The following FHIT variants were observed in gnomAD, a reference collection of about 807,000 sequenced individuals.
FHIT encodes the protein bis(5'-adenosyl)-triphosphatase.
In FHIT, 19 loss-of-function variants were observed where a neutral mutation model predicts 17.9. The ratio of observed to expected loss-of-function variants is 1.06; its 90% confidence interval spans 0.74 to 1.56. FHIT has a LOEUF of 1.56. Ranked by LOEUF, FHIT falls within the 40% of genes most tolerant of loss-of-function variation. FHIT has a pLI of 0.00. For missense variants in FHIT, 248 were observed against 189.2 expected (o/e 1.31, Z -1.82); for synonymous variants, 81 against 69.7 (o/e 1.16, Z -0.81).
At position 60,824,088 on chromosome 3, in the gene FHIT, T is replaced by G. The variant is rs114821683; in HGVS notation, c.-110-2077A>C. On this transcript the variant is annotated intron_variant, in intron 3 of 9. Transcript: ENST00000492590. ...TACTTGGAGCAAGGTGGGAAGCCATTGCCTACTTCTGAGCAGAGGTGAACC... is the reference window on the plus strand; with the variant it reads ...TACTTGGAGCAAGGTGGGAAGCCATGGCCTACTTCTGAGCAGAGGTGAACC... Among the ~76,000 whole-genome samples, 1,135 of 152,278 alleles carry G rather than the reference T, an allele frequency of 7.5e-3. 11 individuals carry two copies. Among genetic ancestry groups the G allele is most frequent in the African/African-American group, 0.025 (1,059 of 41,544 alleles).
chr3:60,636,353 G>T (rs1400506762), intron 4 of FHIT, among the ~76,000 whole-genome samples: 1 of 152,138 alleles, frequency 6.6e-6, no homozygotes, highest in African/African-American at 2.4e-5. Flanking sequence ...ACAGGCATGA[G>T]CCATCACGCC....
chr3:60,099,050 C>T (rs1213437291), intron 5 of FHIT, among the ~76,000 whole-genome samples: 3 of 152,094 alleles, frequency 2.0e-5, no homozygotes, highest in East Asian at 3.9e-4. Context: ...GCTCTCAAAG[C>T]CTCTCCAGTA....
intron 7 of FHIT, among the ~76,000 whole-genome samples, chr3:59,942,928 C>T (rs1012569863): frequency 6.6e-6 from 1 of 152,088 alleles, no homozygotes; most frequent in African/African-American, 2.4e-5. Context: ...GGATTACAAG[C>T]ATGACCCACT....
At chr3:60,175,754 TCAC>T (rs1701641096) in intron 5 of FHIT, among the ~76,000 whole-genome samples, 1 of 152,120 alleles carries the variant, frequency 6.6e-6, no homozygotes, top group South Asian at 2.1e-4. Flanking sequence ...AACAAATCGT[TCAC>T]CAAGTTAGAA....
chr3:60,146,035 T>C (rs531888439), intron 5 of FHIT, among the ~76,000 whole-genome samples: 3 of 152,268 alleles, frequency 2.0e-5, no homozygotes, highest in South Asian at 4.1e-4. Flanking sequence ...TATTTTCTAA[T>C]CTACACCATA....
At chr3:60,416,397 C>T (rs565224965) in intron 5 of FHIT, among the ~76,000 whole-genome samples, 9 of 152,270 alleles carry the variant, frequency 5.9e-5, no homozygotes, top group African/African-American at 1.4e-4. Context: ...GAACAGATTT[C>T]GGTAACCTTT....
intron 5 of FHIT, among the ~76,000 whole-genome samples, chr3:60,173,902 TATATA>T (rs1559698540): frequency 2.6e-5 from 2 of 76,740 alleles, no homozygotes; most frequent in East Asian, 7.5e-4. Flanking sequence ...TATATATATA[TATATA>T]TATATATATG....
chr3:60,926,835 A>G (rs1192169160), intron 3 of FHIT, among the ~76,000 whole-genome samples: 11 of 152,228 alleles, frequency 7.2e-5, no homozygotes, highest in Admixed American at 2.0e-4. Flanking sequence ...AAGAGAGAGA[A>G]GAATCAAATA....
At position 60,416,405 on chromosome 3, in the gene FHIT, T is replaced by G. The variant is rs186998946; in HGVS notation, c.103+120455A>C. Among the ~76,000 whole-genome samples the G allele has an allele frequency of 7.5e-4, 115 of 152,322 alleles. 2 individuals carry two copies. In the South Asian group the frequency reaches 0.022, roughly 29 times the overall value. The stretch of plus-strand genomic sequence containing the variant: ...CTCAGTAGAACAGATTTCGGTAACC[T>G]TTTCCTGTAAAGGGACAAAGAGTAA... On this transcript the variant is annotated intron_variant, in intron 5 of 9. Transcript: ENST00000492590.
chr3:60,172,213 T>C (rs759116342), intron 5 of FHIT, among the ~76,000 whole-genome samples: 2 of 152,114 alleles, frequency 1.3e-5, no homozygotes, highest in Non-Finnish European at 2.9e-5. Flanking sequence ...AAATACGAGT[T>C]GAGAGCCAGG....
intron 7 of FHIT, among the ~76,000 whole-genome samples, chr3:59,955,537 C>T (rs936694142): frequency 4.6e-5 from 7 of 152,244 alleles, no homozygotes; most frequent in Admixed American, 1.3e-4. Flanking sequence ...CCCACTTCTC[C>T]GCTGGTTGTC....
intron 3 of FHIT, among the ~76,000 whole-genome samples, chr3:60,987,761 C>G (rs1278013761): frequency 2.0e-5 from 3 of 152,114 alleles, no homozygotes; most frequent in African/African-American, 7.2e-5. Flanking sequence ...AGCTTAGAAA[C>G]AATCAGACAA....
At chr3:61,243,138 G>A (rs368680399) in intron 1 of FHIT, among the ~76,000 whole-genome samples, 1 of 152,182 alleles carries the variant, frequency 6.6e-6, no homozygotes, top group South Asian at 2.1e-4. Flanking sequence ...TTAGAGGCAA[G>A]TTAGATGCGG....
intron 5 of FHIT, among the ~76,000 whole-genome samples, chr3:60,406,081 A>G (rs534688271): frequency 1.4e-4 from 21 of 152,254 alleles, no homozygotes; most frequent in Middle Eastern, 3.2e-3. Flanking sequence ...ATGTCTGCAC[A>G]TAATATGGAG....
At chr3:60,920,716 G>A (rs189542486) in intron 3 of FHIT, among the ~76,000 whole-genome samples, 138 of 152,066 alleles carry the variant, frequency 9.1e-4, no homozygotes, top group Non-Finnish European at 1.6e-3. Flanking sequence ...CAGCTGGAGC[G>A]GTAGAACCTT....
At chr3:59,972,483 A>G (rs1708230733) in intron 7 of FHIT, among the ~76,000 whole-genome samples, 1 of 152,018 alleles carries the variant, frequency 6.6e-6, no homozygotes, top group South Asian at 2.1e-4. Context: ...GTCAGGGTTG[A>G]TATTCTCACC....
intron 5 of FHIT, among the ~76,000 whole-genome samples, chr3:60,280,348 AG>A (rs1356228693): frequency 2.6e-5 from 4 of 152,218 alleles, no homozygotes; most frequent in African/African-American, 9.6e-5. Flanking sequence ...CAAAGATATC[AG>A]GTCTTAACTT....
intron 4 of FHIT, among the ~76,000 whole-genome samples, chr3:60,681,284 A>G (rs893320116): frequency 5.9e-5 from 9 of 152,148 alleles, no homozygotes; most frequent in Non-Finnish European, 1.2e-4. Context: ...TTCCTATTGT[A>G]AGTGTTATGG....
chr3:60,479,401 T>G (rs759242379), intron 5 of FHIT, among the ~76,000 whole-genome samples: 1 of 152,142 alleles, frequency 6.6e-6, no homozygotes, highest in Non-Finnish European at 1.5e-5. Flanking sequence ...GTAATGACAT[T>G]TTAGTCAATT....
Sources: gnomAD v4.1 joint callset for allele counts (sites outside exome capture counted in the v4.1 genomes callset) on GRCh38, gnomAD v4.1.1 for gene constraint, MANE v1.5 for transcripts, NCBI Gene and HGNC (gene_info 2026-07-23, HGNC 2026-07-21) for gene names.